Variants in ZNF335 observed in about 807,000 individuals in gnomAD.
ZNF335 encodes NRC-interacting factor 1.
Under a neutral mutation model 145.6 loss-of-function variants are expected in ZNF335, and 84 were observed. The ratio of observed to expected loss-of-function variants is 0.58; its 90% CI spans 0.48 to 0.69. The LOEUF is 0.69. ZNF335 is among the 30% of genes least tolerant of loss of function. The probability of loss-of-function intolerance (pLI) is 0.00; values close to 1 mark genes in which losing one functional copy is unlikely to be tolerated. For missense variants in ZNF335, 1,865 were observed against 1,809.7 expected (o/e 1.03, Z -0.55); for synonymous variants, 761 against 717.0 (o/e 1.06, Z -0.98).
At position 45,965,785 on chromosome 20, in the gene ZNF335, C is replaced by T; in HGVS notation, c.956-11G>A. 6.3e-7 allele frequency: 1 copy of T among 1,596,056 alleles called. No individual in the cohort carries two copies. Among genetic ancestry groups the T allele is most frequent in the Non-Finnish European group, 8.5e-7 (1 of 1,171,876 alleles). ...TATAGTCGCTATCCTCTGTGGGGGACAGTAAAGTTGGTGAACAGTGAGTGG... is the reference window on the plus strand; with the variant it reads ...TATAGTCGCTATCCTCTGTGGGGGATAGTAAAGTTGGTGAACAGTGAGTGG... On this transcript the variant is annotated splice_polypyrimidine_tract_variant and intron_variant, in intron 6 of 27. Transcript: ENST00000322927.
intron 9 of ZNF335, among the ~76,000 whole-genome samples, chr20:45,962,815 G>T (rs6094230): frequency 0.13 from 11,380 of 90,142 alleles, 1,702 homozygotes; most frequent in African/African-American, 0.3. Flanking sequence ...TTTTTTTTTT[G>T]TTTGTTTGTT....
At chr20:45,968,233 C>G in intron 4 of ZNF335, 52 bp downstream of exon 4, 1 of 1,584,836 alleles carries the variant, frequency 6.3e-7, no homozygotes, top group South Asian at 1.1e-5. Flanking sequence ...CTGTCCTCAC[C>G]TATCCCCCTG....
chr20:45,950,470 G>A lies in ZNF335; in HGVS notation c.3315C>T (p.Cys1105=). The A allele has an allele frequency of 6.2e-7, 1 of 1,614,204 alleles. No individual in the cohort carries two copies. The highest frequency in any genetic ancestry group is 8.5e-7 in the Non-Finnish European group (1 of 1,180,050). The stretch of plus-strand genomic sequence containing the variant: ...GGCCTCACCGCTGCCCGCAGAGGTG[G>A]CATGCAAAAGGCTTCTCCTTTGTGT... ...LTHTKEKPFA[C]HLCGQRFNRN... The change falls in exon 21 of 28, where the codon TGC becomes TGT. Residue 1105 remains cysteine (C), a synonymous_variant. Coordinates refer to ENST00000322927, the MANE Select transcript of ZNF335 (RefSeq NM_022095.4).
In ZNF335 at chr20:45,959,391, C is replaced by T. The variant is rs760410435; in HGVS notation, c.2063G>A (p.Arg688Gln). ...FACEYCHFST[R>Q]HKKNLRLHVR... is the part of the protein sequence containing the mutation. Reference sequence around the variant, plus strand: ...GTGCAGGCGCAGGTTCTTCTTGTGCCGTGTGCTGAAGTGGCAGTACTCACA... The same window carrying T: ...GTGCAGGCGCAGGTTCTTCTTGTGCTGTGTGCTGAAGTGGCAGTACTCACA... The change falls in exon 15 of 28, where the codon CGG becomes CAG. Residue 688 changes from arginine to glutamine, a missense_variant. Physicochemically the swap from Arg to Gln is conservative, Grantham distance 43. Coordinates refer to ENST00000322927, the MANE Select transcript of ZNF335 (RefSeq NM_022095.4). 13 of 1,539,680 alleles carry T rather than the reference C, an allele frequency of 8.4e-6. No homozygotes were observed. The highest frequency in any genetic ancestry group is 4.2e-5 in the African/African-American group (3 of 71,896).
chr20:45,969,672 C>G lies in ZNF335; in HGVS notation c.221G>C (p.Ser74Thr). ...ATTAGGCAGGGGGTCTGCGCTCGAG[C>G]TGCTCTCAGATACCTCCTCCTGAGG... ...SRSQEEVSES[S>T]SSADPLPNSY... is the part of the protein sequence containing the mutation. Residue 74 changes from serine to threonine, a missense_variant, in exon 3 of 28, where the codon AGC becomes ACC. Ser to Thr is a moderately conservative substitution (Grantham distance 58). Coordinates refer to ENST00000322927, the MANE Select transcript of ZNF335 (RefSeq NM_022095.4). The G allele has an allele frequency of 6.2e-7, 1 of 1,611,724 alleles. No homozygotes were observed.
At chr20:45,954,196 A>G (rs902815139) in intron 17 of ZNF335, among the ~76,000 whole-genome samples, 1 of 152,230 alleles carries the variant, frequency 6.6e-6, no homozygotes, top group Non-Finnish European at 1.5e-5. Context: ...AGATTTGGCA[A>G]CGTCTGGAGA....
At position 45,971,204 on chromosome 20, in the gene ZNF335, C is replaced by T; in HGVS notation, c.201+6G>A. 6.5e-7 allele frequency: 1 copy of T among 1,534,820 alleles called. No individual in the cohort carries two copies. ...CTCCACCCACGCCGTCCAGCCGGGTCCATACCTGAGAACGGCTGCCGCGGT... is the reference window on the plus strand; with the variant it reads ...CTCCACCCACGCCGTCCAGCCGGGTTCATACCTGAGAACGGCTGCCGCGGT... On this transcript the variant is annotated splice_donor_region_variant and intron_variant, in intron 2 of 27. Transcript: ENST00000322927.
At chr20:45,950,194 C>T (rs371794686) in intron 22 of ZNF335, 25 bp downstream of exon 22, 14 of 1,555,432 alleles carry the variant, frequency 9.0e-6, no homozygotes, top group Non-Finnish European at 1.2e-5. Flanking sequence ...CTGTTGCCCA[C>T]CCTGTGGCCC....
intron 6 of ZNF335, among the ~76,000 whole-genome samples, chr20:45,966,706 C>G (rs1221344976): frequency 3.3e-5 from 5 of 151,666 alleles, no homozygotes; most frequent in African/African-American, 9.7e-5. Flanking sequence ...TGCCCGCCAC[C>G]ACACCCAGCT....
intron 6 of ZNF335, 174 bp downstream of exon 6, chr20:45,967,320 G>A (rs117487195): frequency 5.4e-6 from 5 of 923,442 alleles, no homozygotes; most frequent in East Asian, 5.2e-5. Flanking sequence ...TGTGCACCCT[G>A]CACAACTGCA....
At chr20:45,971,112 C>G in intron 2 of ZNF335, 98 bp downstream of exon 2, 9 of 1,432,146 alleles carry the variant, frequency 6.3e-6, no homozygotes, top group South Asian at 1.5e-5. Context: ...CCAGAAACAC[C>G]AAGTATTAGC....
rs776881836 is a variant in ZNF335, at chr20:45,952,186, G to A, written c.3150C>T (p.Pro1050=). ...AHAGPGAFKC[P]DCPFSARQWP... is the part of the protein sequence containing the mutation. ...ACTGGCGGGCACTGAAGGGGCAGTCGGGGCACTTGAAGGCACCAGGCCCAG... is the reference window on the plus strand; with the variant it reads ...ACTGGCGGGCACTGAAGGGGCAGTCAGGGCACTTGAAGGCACCAGGCCCAG... Residue 1050 remains proline (P), a synonymous_variant, in exon 20 of 28, where the codon CCC becomes CCT. Coordinates refer to ENST00000322927, the MANE Select transcript of ZNF335 (RefSeq NM_022095.4). The A allele has an allele frequency of 6.8e-6, 11 of 1,610,302 alleles. No individual in the cohort carries two copies. Among genetic ancestry groups the A allele is most frequent in the South Asian group, 5.5e-5 (5 of 90,926 alleles).
At position 45,965,707 on chromosome 20, in the gene ZNF335, G is replaced by A. The variant is rs781326240; in HGVS notation, c.1023C>T (p.Thr341=). The A allele has an allele frequency of 1.1e-5, 18 of 1,605,254 alleles. No individual in the cohort carries two copies. The South Asian group carries it at 2.0e-4, about 18-fold the overall frequency. ...RGRQLRLQRP[T]PSTPRPRRRP... ...TCCTTCGGGGCCTTGGGGTACTGGG[G>A]GTGGGGCGCTGGAGCCGAAGCTGCC... Residue 341 remains threonine, a synonymous_variant, in exon 7 of 28, where the codon ACC becomes ACT. Coordinates refer to ENST00000322927, the MANE Select transcript of ZNF335 (RefSeq NM_022095.4).
At position 45,971,361 on chromosome 20, in the gene ZNF335, C is replaced by A. The variant is rs2084063532; in HGVS notation, c.50G>T (p.Gly17Val). 1 of 1,600,390 alleles carries A rather than the reference C, an allele frequency of 6.2e-7. No individual in the cohort carries two copies. Among genetic ancestry groups the A allele is most frequent in the Non-Finnish European group, 8.5e-7 (1 of 1,179,630 alleles). The change falls in exon 2 of 28, where the codon GGC becomes GTC. Residue 17 changes from glycine to valine, a missense_variant. Coordinates refer to ENST00000322927, the MANE Select transcript of ZNF335 (RefSeq NM_022095.4). ...GCTCTCAGAGGGCTCCTCGGGCCGG[C>A]CAGGCCCAGGGGCCGCGTCGCTGCT... ...ESSSDAAPGP[G>V]RPEEPSESGL...
chr20:45,953,871 A>G lies in ZNF335; in HGVS notation c.2520T>C (p.Thr840=), dbSNP rs1334052970. The G allele has an allele frequency of 6.2e-7, 1 of 1,613,852 alleles. No homozygotes were observed. The highest frequency in any genetic ancestry group is 1.1e-5 in the South Asian group (1 of 91,066). ...CCACGTGGAGGGTGACCACCTGTGG[A>G]GTGGCACCTTCAGGGGAGGGCTGCC... ...PGGQPSPEGA[T]PQVVTLHVAE... Residue 840 remains threonine (T), a synonymous_variant, in exon 18 of 28, where the codon ACT becomes ACC. Coordinates refer to ENST00000322927, the MANE Select transcript of ZNF335 (RefSeq NM_022095.4).
rs1297518234 is a variant in ZNF335 at position 45,967,943 on chromosome 20, G to C, written c.605C>G (p.Ser202Cys). The C allele has an allele frequency of 6.2e-7, 1 of 1,612,770 alleles. No individual in the cohort carries two copies. The highest frequency in any genetic ancestry group is 1.3e-5 in the African/African-American group (1 of 74,938). ...CTGTGCCTCCAGGCATGTGGATGTG[G>C]ATGTGGGGCCATCTGCCAGGGCCTC... ...AIEALADGPT[S>C]TSTCLEAQGG... The change falls in exon 5 of 28, where the codon TCC becomes TGC. Residue 202 changes from serine (S) to cysteine (C), a missense_variant. By Grantham distance (112) the Ser-to-Cys change is moderately radical. Coordinates refer to ENST00000322927, the MANE Select transcript of ZNF335 (RefSeq NM_022095.4).
intron 6 of ZNF335, among the ~76,000 whole-genome samples, chr20:45,966,237 A>ATT (rs76603800): frequency 4.1e-5 from 6 of 144,666 alleles, no homozygotes; most frequent in African/African-American, 1.3e-4. Context: ...CTCACCAATA[A>ATT]TTTTTTTTTT....
intron 25 of ZNF335, 40 bp from the exon 26 acceptor site, chr20:45,949,438 C>CG: frequency 1.2e-6 from 2 of 1,613,964 alleles, no homozygotes; most frequent in Non-Finnish European, 1.7e-6. Flanking sequence ...AGGGAGAGGT[C>CG]ATGCAGCCCT....
Position 45,950,524 on chromosome 20 carries a change from C to T in ZNF335, c.3261G>A (p.Lys1087=), listed in dbSNP as rs1475903278. ...TCAGCATGTGCCGACGCAGGTCCTT[C>T]TTGTTCTTGGAGGCAAAGCTGCACT... ...CSQCSFASKN[K]KDLRRHMLTH... Residue 1087 remains lysine (K), a synonymous_variant, in exon 21 of 28, where the codon AAG becomes AAA. Transcript: ENST00000322927. 4.3e-6 allele frequency: 7 copies of T among 1,614,068 alleles called. No individual in the cohort carries two copies. The highest frequency in any genetic ancestry group is 5.9e-6 in the Non-Finnish European group (7 of 1,180,040).
Sources: gnomAD v4.1 joint callset for allele counts (sites outside exome capture counted in the v4.1 genomes callset) on GRCh38, gnomAD v4.1.1 for gene constraint, MANE v1.5 for transcripts, NCBI Gene and HGNC (gene_info 2026-07-23, HGNC 2026-07-21) for gene names.